SH3D19: variants seen among roughly 807,000 people sequenced by gnomAD.
The protein encoded by SH3D19 is SH3 domain containing 19, also known as SH3 domain-containing protein 19.
SH3D19 carries 58 observed loss-of-function variants against 112.1 expected under a neutral mutation model. That is an observed-to-expected ratio of 0.52 (90% CI 0.42 to 0.64). The LOEUF is 0.64. SH3D19 is among the 30% of genes least tolerant of loss of function. The probability of loss-of-function intolerance (pLI) is 0.00; values close to 1 mark genes in which losing one functional copy is unlikely to be tolerated. For missense variants in SH3D19, 1,090 were observed against 1,263.4 expected (o/e 0.86, Z 2.08); for synonymous variants, 391 against 448.5 (o/e 0.87, Z 1.62).
chr4:151,323,214 C>T (rs1322241808), intron 1 of SH3D19, among the ~76,000 whole-genome samples: 1 of 152,184 alleles, frequency 6.6e-6, no homozygotes, highest in East Asian at 1.9e-4. Context: ...CCATAAACCC[C>T]AGGTTTATGG....
intron 2 of SH3D19, among the ~76,000 whole-genome samples, chr4:151,202,196 G>A (rs551256750): frequency 1.3e-5 from 2 of 151,988 alleles, no homozygotes; most frequent in South Asian, 2.1e-4. Flanking sequence ...TTAGCCGGGC[G>A]TGGTGGCACA....
intron 1 of SH3D19, among the ~76,000 whole-genome samples, chr4:151,301,582 G>A (rs182588693): frequency 1.3e-3 from 197 of 152,090 alleles, no homozygotes; most frequent in African/African-American, 4.5e-3. Flanking sequence ...TCTTCCTCTT[G>A]CTCTCGCCAT....
intron 1 of SH3D19, among the ~76,000 whole-genome samples, chr4:151,241,660 G>A (rs568835303): frequency 6.7e-6 from 1 of 149,268 alleles, no homozygotes; most frequent in Non-Finnish European, 1.5e-5. Context: ...CTCCCAAAGT[G>A]TTAGGATTAC....
chr4:151,256,537 C>T (rs1169230474), intron 1 of SH3D19, among the ~76,000 whole-genome samples: 1 of 152,072 alleles, frequency 6.6e-6, no homozygotes, highest in African/African-American at 2.4e-5. Context: ...CATTGAGAGA[C>T]AATATAAAAA....
At chr4:151,232,983 C>G (rs1439805733) in intron 1 of SH3D19, among the ~76,000 whole-genome samples, 1 of 152,172 alleles carries the variant, frequency 6.6e-6, no homozygotes, top group Non-Finnish European at 1.5e-5. Flanking sequence ...AACTGGGCCA[C>G]AGGGCAGGAA....
chr4:151,169,515 T>C (rs1257528107), intron 7 of SH3D19, among the ~76,000 whole-genome samples: 1 of 152,150 alleles, frequency 6.6e-6, no homozygotes, highest in African/African-American at 2.4e-5. Flanking sequence ...AATGAGACGG[T>C]GGAGCCAGAG....
Position 151,194,835 on chromosome 4 carries a change from C to A in SH3D19, c.153-7372G>T, listed in dbSNP as rs1165840200. Reference sequence around the variant, plus strand: ...GCATGGAGGCTCACACCTTTAATCCCAGCACTTTGGGAGGCTGAGGCAGGT... The same window carrying A: ...GCATGGAGGCTCACACCTTTAATCCAAGCACTTTGGGAGGCTGAGGCAGGT... On this transcript the variant is annotated intron_variant, in intron 2 of 19. Coordinates refer to ENST00000604030, the MANE Select transcript of SH3D19 (RefSeq NM_001378122.1). 2.0e-5 allele frequency among the ~76,000 whole-genome samples: 3 copies of A among 152,006 alleles called. No homozygotes were observed. The East Asian group carries it at 5.8e-4, about 30-fold the overall frequency.
At chr4:151,279,374 G>A (rs926134903) in intron 1 of SH3D19, among the ~76,000 whole-genome samples, 2 of 152,028 alleles carry the variant, frequency 1.3e-5, no homozygotes, top group African/African-American at 4.8e-5. Flanking sequence ...TAAGTTAAAT[G>A]ATATTCCATG....
chr4:151,234,513 C>T (rs1329533276), intron 1 of SH3D19, among the ~76,000 whole-genome samples: 1 of 152,094 alleles, frequency 6.6e-6, no homozygotes, highest in Non-Finnish European at 1.5e-5. Flanking sequence ...GGGTCATCAA[C>T]CCTTCCTGCT....
At chr4:151,317,162 T>C (rs1730069820) in intron 1 of SH3D19, among the ~76,000 whole-genome samples, 1 of 152,170 alleles carries the variant, frequency 6.6e-6, no homozygotes, top group Non-Finnish European at 1.5e-5. Flanking sequence ...CCCCTTTGGC[T>C]TCTCCCACAC....
intron 2 of SH3D19, among the ~76,000 whole-genome samples, chr4:151,212,148 A>G (rs565338091): frequency 5.2e-4 from 79 of 152,334 alleles, no homozygotes; most frequent in African/African-American, 1.9e-3. Flanking sequence ...CTCATTTACC[A>G]TTAAATAATT....
At chr4:151,295,830 G>A (rs1199167999) in intron 1 of SH3D19, among the ~76,000 whole-genome samples, 1 of 152,156 alleles carries the variant, frequency 6.6e-6, no homozygotes, top group Non-Finnish European at 1.5e-5. Flanking sequence ...GAGGTCAGGA[G>A]ATCAAGACCA....
intron 1 of SH3D19, among the ~76,000 whole-genome samples, chr4:151,272,091 C>G (rs1468170871): frequency 6.6e-6 from 1 of 152,066 alleles, no homozygotes; most frequent in African/African-American, 2.4e-5. Context: ...CTTATAAGAG[C>G]CAGTGAAGCA....
rs149189048 is a variant in SH3D19, at chr4:151,232,773, C to T, written c.113-6687G>A. ...TTCTCCATGAAGCTGTCCCTGATTC[C>T]TCTCTCTCTTCAGCATCCTTGTATT... On this transcript the variant is annotated intron_variant, in intron 1 of 19. Coordinates refer to ENST00000604030, the MANE Select transcript of SH3D19 (RefSeq NM_001378122.1). Among the ~76,000 whole-genome samples the T allele has an allele frequency of 8.1e-3, 1,241 of 152,276 alleles. 18 individuals are homozygous for T. Among genetic ancestry groups the T allele is most frequent in the African/African-American group, 0.029 (1,186 of 41,558 alleles).
At chr4:151,172,089 C>T (rs1258234465) in intron 7 of SH3D19, among the ~76,000 whole-genome samples, 4 of 151,982 alleles carry the variant, frequency 2.6e-5, no homozygotes, top group South Asian at 2.1e-4. Context: ...GTAAGAGAAA[C>T]GGAAGGGAAG....
chr4:151,290,468 T>C (rs1464353693), intron 1 of SH3D19, among the ~76,000 whole-genome samples: 1 of 152,202 alleles, frequency 6.6e-6, no homozygotes, highest in African/African-American at 2.4e-5. Flanking sequence ...TCCATTTATA[T>C]GAAATGTCTA....
chr4:151,170,405 T>A (rs1324342265), intron 7 of SH3D19: 1 of 152,142 alleles, frequency 6.6e-6, no homozygotes, highest in East Asian at 1.9e-4. Context: ...GTTTCTTTTG[T>A]TGCTTTTTCA....
chr4:151,170,489 A>G (rs1270790014), intron 7 of SH3D19: 2 of 152,146 alleles, frequency 1.3e-5, no homozygotes, highest in East Asian at 3.8e-4. Context: ...GTTCAATTTA[A>G]AAGGAAATAA....
chr4:151,287,038 CT>C (rs1774867419), intron 1 of SH3D19, among the ~76,000 whole-genome samples: 1 of 150,054 alleles, frequency 6.7e-6, no homozygotes, highest in African/African-American at 2.4e-5. Flanking sequence ...TACACAAGTT[CT>C]TTTGAAAAAT....
Sources: gnomAD v4.1 joint callset for allele counts (sites outside exome capture counted in the v4.1 genomes callset) on GRCh38, gnomAD v4.1.1 for gene constraint, MANE v1.5 for transcripts, NCBI Gene and HGNC (gene_info 2026-07-23, HGNC 2026-07-21) for gene names.